The following METTL16 variants were observed in gnomAD, a reference collection of about 807,000 sequenced individuals.
METTL16 encodes RNA N(6)-adenosine-methyltransferase METTL16.
A neutral mutation model predicts 57.9 loss-of-function variants in METTL16; 19 were observed. That is an observed-to-expected ratio of 0.33 (90% CI 0.23 to 0.48). The LOEUF is 0.48. METTL16 is among the 20% of genes least tolerant of loss of function. The pLI is 0.99. For missense variants in METTL16, 434 were observed against 691.5 expected, an observed-to-expected ratio of 0.63 and a Z score of 4.18; for synonymous variants, 246 against 255.6, an observed-to-expected ratio of 0.96 and a Z score of 0.36.
intron 8 of METTL16, among the ~76,000 whole-genome samples, chr17:2,426,746 A>G (rs1262057051): frequency 1.3e-5 from 2 of 151,398 alleles, no homozygotes; most frequent in African/African-American, 2.4e-5. Flanking sequence ...AAAAAAAAAA[A>G]AAAAAAGTAA....
At chr17:2,503,163 A>G (rs1304194626) in intron 1 of METTL16, among the ~76,000 whole-genome samples, 1 of 152,258 alleles carries the variant, frequency 6.6e-6, no homozygotes, top group African/African-American at 2.4e-5. Context: ...TCATAGTAGT[A>G]TCATTCCCAA....
intron 8 of METTL16, among the ~76,000 whole-genome samples, chr17:2,432,404 T>C (rs941167771): frequency 4.6e-5 from 7 of 152,018 alleles, no homozygotes; most frequent in African/African-American, 1.7e-4. Flanking sequence ...TCTGTCTCTA[T>C]AAAATAATAC....
chr17:2,473,980 T>C (rs1444163910), intron 3 of METTL16, among the ~76,000 whole-genome samples: 4 of 152,228 alleles, frequency 2.6e-5, no homozygotes. Flanking sequence ...ATACATGTTA[T>C]GGCTACTGGG....
intron 6 of METTL16, among the ~76,000 whole-genome samples, chr17:2,463,080 C>T (rs2067162013): frequency 6.6e-6 from 1 of 152,164 alleles, no homozygotes; most frequent in Admixed American, 6.5e-5. Context: ...AAAGGAATGG[C>T]CTTAACCCTC....
At chr17:2,494,912 C>A (rs1370574006) in intron 2 of METTL16, among the ~76,000 whole-genome samples, 3 of 151,938 alleles carry the variant, frequency 2.0e-5, no homozygotes, top group Non-Finnish European at 4.4e-5. Flanking sequence ...GCAGAGGAAT[C>A]GTTTGAACCC....
At chr17:2,432,246 A>G (rs2066878714) in intron 8 of METTL16, among the ~76,000 whole-genome samples, 1 of 152,110 alleles carries the variant, frequency 6.6e-6, no homozygotes, top group Non-Finnish European at 1.5e-5. Flanking sequence ...CACCACGCCC[A>G]GCTTAAATGT....
At chr17:2,439,245 G>T (rs1010548107) in intron 7 of METTL16, among the ~76,000 whole-genome samples, 12 of 152,112 alleles carry the variant, frequency 7.9e-5, no homozygotes, top group Non-Finnish European at 1.6e-4. Flanking sequence ...GGGTAGTGGG[G>T]ACTACAAGCA....
At chr17:2,497,305 C>CA (rs1555621562) in intron 2 of METTL16, among the ~76,000 whole-genome samples, 1 of 63,790 alleles carries the variant, frequency 1.6e-5, no homozygotes, top group African/African-American at 7.0e-5. Context: ...TGCACCCGGC[C>CA]TTTTTTTTTT....
In METTL16 at chr17:2,429,086, G is replaced by A. The variant is rs566928613; in HGVS notation, c.889-8182C>T. ...TTGGTTGGGCTGGTCTCGAACTCCC[G>A]ACCTCAGGTGATCCACCCGCTTCGG... On this transcript the variant is annotated intron_variant, in intron 8 of 9. Coordinates refer to ENST00000263092, the MANE Select transcript of METTL16 (RefSeq NM_024086.4). Among the ~76,000 whole-genome samples, 43 of 151,972 alleles carry A rather than the reference G, an allele frequency of 2.8e-4. No homozygotes were observed. The East Asian group carries it at 7.2e-3, about 25-fold the overall frequency.
At chr17:2,459,676 G>A (rs529849863) in intron 6 of METTL16, among the ~76,000 whole-genome samples, 123 of 152,230 alleles carry the variant, frequency 8.1e-4, no homozygotes, top group African/African-American at 2.8e-3. Flanking sequence ...TGAGTCACAC[G>A]GTTGTATAAA....
chr17:2,498,927 C>T (rs1316798031), intron 2 of METTL16, among the ~76,000 whole-genome samples: 2 of 151,654 alleles, frequency 1.3e-5, no homozygotes, highest in African/African-American at 4.9e-5. Flanking sequence ...TTCACTTCTT[C>T]AGTTCCCCTC....
chr17:2,433,451 G>A (rs996246488), intron 8 of METTL16, among the ~76,000 whole-genome samples: 2 of 152,108 alleles, frequency 1.3e-5, no homozygotes, highest in African/African-American at 2.4e-5. Flanking sequence ...CCAGTCACTC[G>A]CAGATGAGAA....
At chr17:2,506,105 C>CT (rs1288420339) in intron 1 of METTL16, among the ~76,000 whole-genome samples, 2 of 151,902 alleles carry the variant, frequency 1.3e-5, no homozygotes, top group Non-Finnish European at 2.9e-5. Flanking sequence ...GCAGGTTATT[C>CT]TTTTTATCTG....
chr17:2,493,781 C>T (rs2067420080), intron 2 of METTL16, among the ~76,000 whole-genome samples: 1 of 150,438 alleles, frequency 6.6e-6, no homozygotes, highest in Non-Finnish European at 1.5e-5. Context: ...CAATCATCAA[C>T]AACTCCTACC....
chr17:2,422,350 A>AC (rs397742744), intron 8 of METTL16, among the ~76,000 whole-genome samples: 1 of 150,434 alleles, frequency 6.6e-6, no homozygotes, highest in Non-Finnish European at 1.5e-5. Context: ...AAAAAAAAAA[A>AC]CAAAACCAAT....
intron 4 of METTL16, among the ~76,000 whole-genome samples, chr17:2,471,916 C>G (rs1173744260): frequency 1.3e-5 from 2 of 152,030 alleles, no homozygotes; most frequent in African/African-American, 2.4e-5. Flanking sequence ...GAGTTTGAGA[C>G]CAGCCTGGGC....
At chr17:2,487,003 CAA>C (rs11397318) in intron 2 of METTL16, among the ~76,000 whole-genome samples, 3 of 57,422 alleles carry the variant, frequency 5.2e-5, no homozygotes, top group African/African-American at 2.3e-4. Flanking sequence ...GATCCTGTCT[CAA>C]AAAAAAAAAA....
In METTL16 at chr17:2,417,608, A is replaced by C. The variant is rs1360407607; in HGVS notation, c.*2362T>G. On this transcript the variant is annotated 3_prime_UTR_variant, in exon 10 of 10. Transcript: ENST00000263092. ...ATACACTACTGTTACAACATGGACA[A>C]ATACTTGTAAGATGTTAAATGAACA... The C allele has an allele frequency of 6.6e-6, 1 of 152,244 alleles. No individual in the cohort carries two copies. Among genetic ancestry groups the C allele is most frequent in the Non-Finnish European group, 1.5e-5 (1 of 68,046 alleles). 9.4% of individuals were successfully genotyped at this position (152,244 alleles called of 1,614,324 possible).
intron 2 of METTL16, among the ~76,000 whole-genome samples, chr17:2,491,855 A>G (rs1395144573): frequency 2.2e-5 from 3 of 139,306 alleles, no homozygotes; most frequent in Non-Finnish European, 4.7e-5. Flanking sequence ...AGCCTGGGCG[A>G]CAGAGCGAGA....
Sources: gnomAD v4.1 joint callset for allele counts (sites outside exome capture counted in the v4.1 genomes callset) on GRCh38, gnomAD v4.1.1 for gene constraint, MANE v1.5 for transcripts, NCBI Gene and HGNC (gene_info 2026-07-23, HGNC 2026-07-21) for gene names.